Variants in PRDM11 observed in about 807,000 individuals in gnomAD.
PRDM11 encodes PR/SET domain 11, also known as PR domain-containing protein 11.
PRDM11 carries 20 observed loss-of-function variants against 97.8 expected under a neutral mutation model. That is an observed-to-expected ratio of 0.20 (90% CI 0.14 to 0.30). PRDM11 has a LOEUF of 0.30. PRDM11 is among the 10% of genes least tolerant of loss of function. The pLI is 1.00. For synonymous variants in PRDM11, 599 were observed against 637.7 expected, an observed-to-expected ratio of 0.94 and a Z score of 0.91; for missense variants, 1,139 against 1,555.2, an observed-to-expected ratio of 0.73 and a Z score of 4.50.
chr11:45,120,766 A>G (rs1586466), intron 1 of PRDM11, among the ~76,000 whole-genome samples: 72,005 of 151,948 alleles, frequency 0.47, 18,627 homozygotes, highest in Non-Finnish European at 0.58. Context: ...ACCCAAGACA[A>G]TAAGTATGTA....
At chr11:45,209,902 G>T (rs1853658641) in intron 5 of PRDM11, among the ~76,000 whole-genome samples, 1 of 152,230 alleles carries the variant, frequency 6.6e-6, no homozygotes, top group African/African-American at 2.4e-5. Flanking sequence ...ACTAGGATGT[G>T]AAGAGTAAGA....
intron 1 of PRDM11, among the ~76,000 whole-genome samples, chr11:45,155,894 C>T (rs1198970304): frequency 6.6e-6 from 1 of 152,086 alleles, no homozygotes; most frequent in African/African-American, 2.4e-5. Flanking sequence ...TGTGGACGGG[C>T]ATGTTCCATT....
intron 1 of PRDM11, among the ~76,000 whole-genome samples, chr11:45,148,160 A>G (rs1304574418): frequency 6.6e-6 from 1 of 152,176 alleles, no homozygotes; most frequent in Non-Finnish European, 1.5e-5. Flanking sequence ...GGGCACGTGT[A>G]GAAACCTTCC....
chr11:45,182,174 G>T, intron 2 of PRDM11, 72 bp from the exon 3 acceptor site: 1 of 1,388,210 alleles, frequency 7.2e-7, no homozygotes, highest in Non-Finnish European at 1.0e-6. Context: ...CAGGTCCCCA[G>T]CTTTTGTCCC....
chr11:45,127,682 G>A (rs528192404), intron 1 of PRDM11, among the ~76,000 whole-genome samples: 19 of 152,326 alleles, frequency 1.2e-4, no homozygotes, highest in Non-Finnish European at 2.1e-4. Flanking sequence ...TTCATGAACC[G>A]CAAATGCTGC....
chr11:45,114,019 T>G (rs1852249367), intron 1 of PRDM11, among the ~76,000 whole-genome samples: 1 of 152,032 alleles, frequency 6.6e-6, no homozygotes, highest in Non-Finnish European at 1.5e-5. Flanking sequence ...CTTCCTCTTG[T>G]CTGGTTGCTC....
At chr11:45,161,818 C>T (rs1590393896) in intron 1 of PRDM11, among the ~76,000 whole-genome samples, 1 of 152,358 alleles carries the variant, frequency 6.6e-6, no homozygotes, top group Non-Finnish European at 1.5e-5. Context: ...TAAGCAGCTC[C>T]TTGCAGCCAC....
chr11:45,208,753 G>A (rs572785117), intron 5 of PRDM11: 101 of 356,728 alleles, frequency 2.8e-4, no homozygotes, highest in African/African-American at 2.1e-3. Flanking sequence ...AGGGTGTGGT[G>A]GGGGCCAGGT....
chr11:45,161,642 C>T (rs902737174), intron 1 of PRDM11, among the ~76,000 whole-genome samples: 1 of 152,246 alleles, frequency 6.6e-6, no homozygotes, highest in African/African-American at 2.4e-5. Context: ...CTGAGAGTCC[C>T]GGGACGGCTC....
chr11:45,214,942 G>A (rs1230270551), intron 5 of PRDM11, among the ~76,000 whole-genome samples: 1 of 152,216 alleles, frequency 6.6e-6, no homozygotes, highest in African/African-American at 2.4e-5. Context: ...TCGGAGGAAA[G>A]GAAGGGCATG....
In PRDM11 at chr11:45,228,080, TCA is replaced by T; in HGVS notation, c.3456_3457del (p.Ser1153Ter). On this transcript the variant is annotated frameshift_variant, in exon 8 of 8. Transcript: ENST00000683152. LOFTEE classifies it high-confidence loss of function. Reference sequence around the variant, plus strand: ...AGTTACGCGCTGTCTGCAGAAGTCCTCAGTAGGATGTCTGCGCTGGAGCAGAA... The same window carrying T: ...AGTTACGCGCTGTCTGCAGAAGTCCTGTAGGATGTCTGCGCTGGAGCAGAA... 1 of 1,533,746 alleles carries T rather than the reference TCA, an allele frequency of 6.5e-7. No individual in the cohort carries two copies. Among genetic ancestry groups the T allele is most frequent in the Non-Finnish European group, 8.7e-7 (1 of 1,146,704 alleles).
intron 6 of PRDM11, among the ~76,000 whole-genome samples, chr11:45,220,362 C>T (rs1354615715): frequency 6.6e-6 from 1 of 152,334 alleles, no homozygotes; most frequent in Admixed American, 6.5e-5. Context: ...GCCATCCCTA[C>T]CCTGTCAGTG....
At chr11:45,150,385 C>T (rs1053764811) in intron 1 of PRDM11, among the ~76,000 whole-genome samples, 7 of 152,212 alleles carry the variant, frequency 4.6e-5, no homozygotes, top group African/African-American at 1.7e-4. Flanking sequence ...TCAGACTCTA[C>T]CAGGGTTGCT....
intron 1 of PRDM11, among the ~76,000 whole-genome samples, chr11:45,140,327 A>G (rs1852976217): frequency 6.6e-6 from 1 of 152,226 alleles, no homozygotes. Context: ...CAGATACAGG[A>G]TCTGACTGTA....
intron 1 of PRDM11, among the ~76,000 whole-genome samples, chr11:45,150,858 A>T (rs2135683680): frequency 6.6e-6 from 1 of 152,304 alleles, no homozygotes; most frequent in Non-Finnish European, 1.5e-5. Flanking sequence ...GGTTCTAAGC[A>T]TGTCACATAC....
At chr11:45,110,865 T>C (rs1852162760) in intron 1 of PRDM11, among the ~76,000 whole-genome samples, 1 of 152,218 alleles carries the variant, frequency 6.6e-6, no homozygotes, top group Non-Finnish European at 1.5e-5. Context: ...GTTCTGCTCC[T>C]GGGTGGCAGA....
intron 4 of PRDM11, among the ~76,000 whole-genome samples, chr11:45,184,575 A>G (rs1192739431): frequency 6.6e-6 from 1 of 152,184 alleles, no homozygotes; most frequent in Non-Finnish European, 1.5e-5. Context: ...TAACTGGCCT[A>G]AGGAAGGGAG....
chr11:45,147,883 T>C (rs1227040821), intron 1 of PRDM11, among the ~76,000 whole-genome samples: 5 of 152,176 alleles, frequency 3.3e-5, no homozygotes, highest in African/African-American at 9.7e-5. Flanking sequence ...ACCCAGCCCT[T>C]TGTGCGTGGG....
intron 1 of PRDM11, among the ~76,000 whole-genome samples, chr11:45,153,505 C>T (rs1851711832): frequency 6.6e-6 from 1 of 152,190 alleles, no homozygotes; most frequent in Admixed American, 6.5e-5. Context: ...CAGTCTTGGG[C>T]CATCTCCTGG....
Sources: allele counts gnomAD v4.1 joint callset (sites outside exome capture counted in the v4.1 genomes callset), GRCh38; gene constraint gnomAD v4.1.1; transcripts MANE v1.5; gene names NCBI Gene and HGNC (gene_info 2026-07-23, HGNC 2026-07-21).